The following TTLL4 variants were observed in gnomAD, a reference collection of about 807,000 sequenced individuals.
TTLL4 encodes tubulin tyrosine ligase like 4.
TTLL4 carries 85 observed loss-of-function variants against 122.7 expected under a neutral mutation model. The ratio of observed to expected loss-of-function variants is 0.69; its 90% confidence interval spans 0.58 to 0.83. The LOEUF (loss-of-function observed/expected upper bound fraction) is 0.83, where lower values mean the gene tolerates loss of function less well. Among genes scored for constraint, TTLL4 ranks in the 40% least tolerant of loss-of-function variants. The pLI, the probability that TTLL4 is intolerant of heterozygous loss-of-function variation, is 0.00. For synonymous variants in TTLL4, 553 were observed against 563.0 expected (o/e 0.98, Z 0.25); for missense variants, 1,363 against 1,488.6 (o/e 0.92, Z 1.39).
intron 1 of TTLL4, among the ~76,000 whole-genome samples, chr2:218,719,481 C>T (rs988294384): frequency 2.0e-5 from 3 of 151,012 alleles, no homozygotes; most frequent in African/African-American, 7.3e-5. Context: ...TGCAGACAGG[C>T]ATTTGAAAGG....
intron 2 of TTLL4, among the ~76,000 whole-genome samples, chr2:218,737,318 T>G (rs916123064): frequency 6.6e-6 from 1 of 152,182 alleles, no homozygotes; most frequent in Non-Finnish European, 1.5e-5. Flanking sequence ...GAGTGGGGAC[T>G]CATAAGCAGC....
chr2:218,715,135 GTTT>G (rs1172711019), intron 1 of TTLL4, among the ~76,000 whole-genome samples: 1 of 152,166 alleles, frequency 6.6e-6, no homozygotes, highest in African/African-American at 2.4e-5. Context: ...GAGTGGCATT[GTTT>G]TTTAGATCTC....
At position 218,747,723 on chromosome 2, in the gene TTLL4, C is replaced by T. The variant is rs771486583; in HGVS notation, c.2376C>T (p.Cys792=). 1 of 1,614,048 alleles carries T rather than the reference C, an allele frequency of 6.2e-7. No homozygotes were observed. The highest frequency in any genetic ancestry group is 1.3e-5 in the African/African-American group (1 of 74,904). Residue 792 remains cysteine, a splice_region_variant and synonymous_variant, in exon 11 of 20, where the codon TGC becomes TGT. Coordinates refer to ENST00000392102, the MANE Select transcript of TTLL4 (RefSeq NM_014640.5). This position sits in a 1 kb window ranked among gnomAD's most constrained non-coding sequence, Gnocchi z 4.7. ...ATGGACTGGTCCGCTTTGCCAGTTG[C>T]AAGTATGTGACAGTGGTGAGGTATC... The part of the protein sequence containing the change: ...FSDGLVRFAS[C]KYSPSMKSLG...
chr2:218,721,373 G>A (rs1414552877), intron 1 of TTLL4, among the ~76,000 whole-genome samples: 1 of 152,136 alleles, frequency 6.6e-6, no homozygotes, highest in African/African-American at 2.4e-5. Flanking sequence ...CCTGGCCAGG[G>A]AACACCAATT....
rs773420985 is a variant in TTLL4, at chr2:218,738,132, C to G, written c.456C>G (p.Ser152Arg). 5 of 1,613,994 alleles carry G rather than the reference C, an allele frequency of 3.1e-6. No homozygotes were observed. Among genetic ancestry groups the G allele is most frequent in the African/African-American group, 1.3e-5 (1 of 74,914 alleles). The change falls in exon 3 of 20, where the codon AGC (serine) becomes AGG (arginine). Residue 152 changes from serine (S) to arginine (R), a missense_variant. Physicochemically the swap from Ser to Arg is moderately radical, Grantham distance 110. Coordinates refer to ENST00000392102, the MANE Select transcript of TTLL4 (RefSeq NM_014640.5). ...GCCCTTTTTCTCTCCCTCAAAAGAG[C>G]CTCCCTGTCAGTCTCACTGCCAACA... ...EKSPFSLPQK[S>R]LPVSLTANKA...
chr2:218,739,209 A>G lies in TTLL4; in HGVS notation c.1487+46A>G, dbSNP rs147283400. On this transcript the variant is annotated intron_variant, in intron 3 of 19. Coordinates refer to ENST00000392102, the MANE Select transcript of TTLL4 (RefSeq NM_014640.5). ...GTTCATTTAGAGCAGTAGAATGTAT[A>G]TACCATAATTTGGGGTGGCACCGAC... 2.1e-4 allele frequency: 330 copies of G among 1,550,566 alleles called. 5 individuals carry two copies. In the East Asian group the frequency reaches 7.4e-3, roughly 35 times the overall value.
intron 5 of TTLL4, 81 bp from the exon 6 acceptor site, chr2:218,745,028 A>T: frequency 6.5e-7 from 1 of 1,546,044 alleles, no homozygotes; most frequent in Non-Finnish European, 8.8e-7. Context: ...GCACTTGGAA[A>T]TAAATCGTAC....
intron 2 of TTLL4, among the ~76,000 whole-genome samples, chr2:218,729,154 G>A (rs533286913): frequency 2.6e-5 from 4 of 152,100 alleles, no homozygotes; most frequent in East Asian, 1.9e-4. Context: ...GGCTGGTCTC[G>A]AACTCCTGGC....
At chr2:218,743,781 G>A (rs1038599913) in intron 5 of TTLL4, among the ~76,000 whole-genome samples, 3 of 152,180 alleles carry the variant, frequency 2.0e-5, no homozygotes, top group Non-Finnish European at 2.9e-5. Context: ...CTGGGTTCAA[G>A]CAATTCTCCT....
At position 218,738,920 on chromosome 2, in the gene TTLL4, G is replaced by A. The variant is rs752627995; in HGVS notation, c.1244G>A (p.Cys415Tyr). The stretch of plus-strand genomic sequence containing the variant: ...TTGGGGTTGGACAATACAGTCTTCT[G>A]TACCAAGCGTATCAGCATTCACCTC... Reference protein sequence around the residue: ...DTLGLDNTVFCTKRISIHLLA... With the variant: ...DTLGLDNTVFYTKRISIHLLA... Residue 415 changes from cysteine to tyrosine, a missense_variant, in exon 3 of 20, where the codon TGT (cysteine) becomes TAT (tyrosine). By Grantham distance (194) the Cys-to-Tyr change is radical. Coordinates refer to ENST00000392102, the MANE Select transcript of TTLL4 (RefSeq NM_014640.5). 3.7e-6 allele frequency: 6 copies of A among 1,614,200 alleles called. No individual in the cohort carries two copies. The highest frequency in any genetic ancestry group is 1.7e-5 in the Admixed American group (1 of 60,014).
chr2:218,754,328 G>GA lies in TTLL4; in HGVS notation c.3540dup (p.Leu1181ThrfsTer12), dbSNP rs1943106916. On this transcript the variant is annotated frameshift_variant, in exon 20 of 20. Transcript: ENST00000392102. LOFTEE classifies it high-confidence loss of function. The stretch of plus-strand genomic sequence containing the variant: ...ATCAAGTGCTCTGGGCAGACTTCAA[G>GA]ACTTTCTGCTTCCTCCACTTTCCAG... 1.2e-6 allele frequency: 2 copies of GA among 1,614,166 alleles called. No homozygotes were observed. Among genetic ancestry groups the GA allele is most frequent in the African/African-American group, 2.7e-5 (2 of 75,014 alleles).
chr2:218,759,081 C>T (rs1943197548), downstream of TTLL4, among the ~76,000 whole-genome samples: 1 of 151,802 alleles, frequency 6.6e-6, no homozygotes, highest in South Asian at 2.1e-4. Context: ...GCCATCTCTA[C>T]TAAAAATACA....
intron 2 of TTLL4, among the ~76,000 whole-genome samples, chr2:218,730,437 G>C (rs4006669): frequency 3.3e-5 from 5 of 151,200 alleles, no homozygotes; most frequent in African/African-American, 9.7e-5. Context: ...GAACCTGGGA[G>C]GGGGAGGTTG....
Position 218,751,741 on chromosome 2 carries a change from C to T in TTLL4, c.2911C>T (p.Pro971Ser). The stretch of plus-strand genomic sequence containing the variant: ...CCCTGGGGACAAATGTCGAATGGCT[C>T]CAGAGCATGTCACTGCACAGAAGAT... The part of the protein sequence containing the change: ...TSPGDKCRMA[P>S]EHVTAQKMKK... Residue 971 changes from proline to serine, a missense_variant, in exon 16 of 20, where the codon CCA (proline) becomes TCA (serine). Transcript: ENST00000392102. 1 of 1,613,660 alleles carries T rather than the reference C, an allele frequency of 6.2e-7. No individual in the cohort carries two copies. Among genetic ancestry groups the T allele is most frequent in the Non-Finnish European group, 8.5e-7 (1 of 1,179,724 alleles).
intron 8 of TTLL4, 175 bp downstream of exon 8, chr2:218,746,406 A>G (rs965189961): frequency 1.6e-6 from 1 of 641,322 alleles, no homozygotes; most frequent in African/African-American, 1.8e-5. Flanking sequence ...CCAGTGGATC[A>G]CGTACATCTC....
At position 218,740,564 on chromosome 2, in the gene TTLL4, A is replaced by T. The variant is rs762710778; in HGVS notation, c.1641A>T (p.Glu547Asp). The T allele has an allele frequency of 6.2e-7, 1 of 1,614,162 alleles. No homozygotes were observed. The highest frequency in any genetic ancestry group is 2.2e-5 in the East Asian group (1 of 44,878). Residue 547 changes from glutamate (E) to aspartate (D), a missense_variant, in exon 5 of 20, where the codon GAA (glutamate) becomes GAT (aspartate). Physicochemically the swap from Glu to Asp is conservative, Grantham distance 45. This residue lies in a region of TTLL4 where 760 missense variants were observed against 808.4 expected (regional missense o/e 0.94). Transcript: ENST00000392102. ...CATTAAGTGCTGTCTCCCCCAGCGA[A>T]TCGGTGGCCATGATCTCTAGGTAAG... ...CSSLSAVSPS[E>D]SVAMISRSCM...
chr2:218,728,858 C>T (rs1161697386), intron 2 of TTLL4, among the ~76,000 whole-genome samples: 1 of 151,052 alleles, frequency 6.6e-6, no homozygotes, highest in African/African-American at 2.4e-5. Flanking sequence ...AGGGATGTTT[C>T]TCTCTTCAGG....
chr2:218,722,955 C>T (rs1942088008), intron 1 of TTLL4, among the ~76,000 whole-genome samples: 1 of 152,172 alleles, frequency 6.6e-6, no homozygotes. Flanking sequence ...TGTATGGAGG[C>T]CTGTCCAGGG....
intron 1 of TTLL4, among the ~76,000 whole-genome samples, chr2:218,719,061 G>T (rs947111141): frequency 2.0e-5 from 3 of 152,018 alleles, no homozygotes; most frequent in Admixed American, 6.5e-5. Context: ...TAACAGTTTT[G>T]TGGAGGTATA....
Sources: allele counts gnomAD v4.1 joint callset (sites outside exome capture counted in the v4.1 genomes callset), GRCh38; gene constraint gnomAD v4.1.1; regional missense constraint gnomAD v4.1.1; non-coding constraint Gnocchi (gnomAD v3.1); transcripts MANE v1.5; gene names NCBI Gene and HGNC (gene_info 2026-07-23, HGNC 2026-07-21).